The following FGD5 variants were observed in gnomAD, a reference collection of about 807,000 sequenced individuals.
FGD5 encodes FYVE, RhoGEF and PH domain containing 5.
In FGD5, 28 loss-of-function variants were observed where a neutral mutation model predicts 133.4. The ratio of observed to expected loss-of-function variants is 0.21; its 90% CI spans 0.16 to 0.29. FGD5 has a LOEUF of 0.29. Ranked by LOEUF, FGD5 falls within the 10% of genes least tolerant of loss-of-function variation. The probability of loss-of-function intolerance (pLI) is 1.00; values close to 1 mark genes in which losing one functional copy is unlikely to be tolerated. For missense variants in FGD5, 1,858 were observed against 1,895.2 expected (o/e 0.98, Z 0.36); for synonymous variants, 810 against 776.5 (o/e 1.04, Z -0.72).
At chr3:14,907,801 C>A in intron 10 of FGD5, 90 bp downstream of exon 10, 1 of 1,356,762 alleles carries the variant, frequency 7.4e-7, no homozygotes, top group South Asian at 1.3e-5. Flanking sequence ...CCAGACAGGC[C>A]TGGCTGCAGG....
chr3:14,887,395 C>G (rs1344750607), intron 4 of FGD5, among the ~76,000 whole-genome samples: 1 of 151,966 alleles, frequency 6.6e-6, no homozygotes, highest in African/African-American at 2.4e-5. Flanking sequence ...AAAAAACTTC[C>G]TGCCAGGCAT....
At chr3:14,831,628 G>T (rs1257026297) in intron 1 of FGD5, among the ~76,000 whole-genome samples, 2 of 152,186 alleles carry the variant, frequency 1.3e-5, no homozygotes, top group Non-Finnish European at 2.9e-5. Flanking sequence ...GAGGGTAGGA[G>T]GGAATAAGGT....
intron 1 of FGD5, among the ~76,000 whole-genome samples, chr3:14,812,667 A>G (rs1035779538): frequency 1.3e-5 from 2 of 152,196 alleles, no homozygotes; most frequent in South Asian, 2.1e-4. Context: ...ATCACATGGC[A>G]TGGTGGTTCA....
At chr3:14,846,197 A>C (rs957352065) in intron 1 of FGD5, among the ~76,000 whole-genome samples, 1 of 152,264 alleles carries the variant, frequency 6.6e-6, no homozygotes, top group East Asian at 1.9e-4. Context: ...AAAATGCTTG[A>C]AATGTGGGAG....
chr3:14,893,752 C>CTTTTTTTTTTTTTTTTTTTT (rs138741627), intron 4 of FGD5, among the ~76,000 whole-genome samples: 1 of 95,056 alleles, frequency 1.1e-5, no homozygotes, highest in African/African-American at 4.4e-5. Context: ...TTTCTTTTTT[C>CTTTTTTTTTTTTTTTTTTTT]TTTTTTTTTT....
At chr3:14,859,027 A>T (rs905916520) in intron 1 of FGD5, among the ~76,000 whole-genome samples, 1 of 152,024 alleles carries the variant, frequency 6.6e-6, no homozygotes, top group Admixed American at 6.5e-5. Context: ...TTTTTCATTG[A>T]CTCTGCAAAG....
intron 11 of FGD5, among the ~76,000 whole-genome samples, chr3:14,913,598 C>A (rs554671755): frequency 6.6e-6 from 1 of 152,208 alleles, no homozygotes; most frequent in African/African-American, 2.4e-5. Context: ...AGCAGTGAGG[C>A]GGCAGATGGC....
chr3:14,890,939 A>G (rs192323034), intron 4 of FGD5, among the ~76,000 whole-genome samples: 4 of 152,258 alleles, frequency 2.6e-5, no homozygotes, highest in Admixed American at 2.6e-4. Flanking sequence ...CCCATTTTAC[A>G]GGTGAGGAAA....
chr3:14,862,147 A>G (rs959887622), intron 1 of FGD5, among the ~76,000 whole-genome samples: 5 of 152,292 alleles, frequency 3.3e-5, no homozygotes, highest in Middle Eastern at 3.4e-3. Context: ...TCTGCCTGGC[A>G]TGCACCTTCC....
intron 1 of FGD5, among the ~76,000 whole-genome samples, chr3:14,822,767 T>A (rs1207378371): frequency 6.6e-6 from 1 of 152,224 alleles, no homozygotes; most frequent in Non-Finnish European, 1.5e-5. Context: ...AGAAACCCTC[T>A]GATTCTTTTC....
At chr3:14,873,501 T>A (rs769055483) in intron 2 of FGD5, among the ~76,000 whole-genome samples, 12 of 152,178 alleles carry the variant, frequency 7.9e-5, no homozygotes, top group Non-Finnish European at 1.6e-4. Context: ...ATTAGCCGGC[T>A]GTTTGAAGTC....
chr3:14,923,299 C>A, intron 16 of FGD5, 124 bp downstream of exon 16: 2 of 1,342,950 alleles, frequency 1.5e-6, no homozygotes, highest in Non-Finnish European at 2.0e-6. Flanking sequence ...TTATTCACTC[C>A]ATGGAGGGAG....
intron 1 of FGD5, among the ~76,000 whole-genome samples, chr3:14,862,328 A>C (rs2037415117): frequency 6.6e-6 from 1 of 152,204 alleles, no homozygotes; most frequent in Admixed American, 6.5e-5. Flanking sequence ...TTGCAAATTG[A>C]TGCAGGCAGC....
intron 1 of FGD5, among the ~76,000 whole-genome samples, chr3:14,858,135 G>A (rs1343373485): frequency 6.6e-6 from 1 of 152,192 alleles, no homozygotes; most frequent in Non-Finnish European, 1.5e-5. Context: ...TCTGGGCTCA[G>A]AAGTAATTTG....
chr3:14,873,734 C>CT (rs11404810), intron 2 of FGD5, among the ~76,000 whole-genome samples: 13,861 of 141,988 alleles, frequency 0.098, 745 homozygotes, highest in East Asian at 0.16. Context: ...TTTTTTTTTT[C>CT]TTTTTTTTTT....
At chr3:14,811,927 G>C (rs911490502) in intron 1 of FGD5, among the ~76,000 whole-genome samples, 1 of 151,956 alleles carries the variant, frequency 6.6e-6, no homozygotes, top group African/African-American at 2.4e-5. Context: ...CTTGTCCAAA[G>C]CCATACTCCA....
chr3:14,831,381 A>G (rs1333644205), intron 1 of FGD5, among the ~76,000 whole-genome samples: 1 of 152,232 alleles, frequency 6.6e-6, no homozygotes, highest in African/African-American at 2.4e-5. Context: ...AACTGTAGCT[A>G]AGAGTATTTG....
At chr3:14,877,184 C>T (rs9814184) in intron 2 of FGD5, among the ~76,000 whole-genome samples, 10,331 of 152,332 alleles carry the variant, frequency 0.068, 402 homozygotes, top group Non-Finnish European at 0.077. Context: ...AAACAAACAT[C>T]TATATTAAAT....
In FGD5 at chr3:14,828,820, CT is replaced by C. The variant is rs59960841; in HGVS notation, c.2525+7243del. Among the ~76,000 whole-genome samples the C allele has an allele frequency of 4.4e-3, 544 of 124,086 alleles. 2 individuals carry two copies. The highest frequency in any genetic ancestry group is 0.01 in the East Asian group (46 of 4,442). The allele number at this position is 124,086 out of a possible 152,430, so 81.4% of individuals were successfully genotyped here. ...TCTGTAGGACATTTGAGGTGGGTCT[CT>C]TTTTTTTTTTTTTTTTTTGAGATGG... On this transcript the variant is annotated intron_variant, in intron 1 of 19. Coordinates refer to ENST00000285046, the MANE Select transcript of FGD5 (RefSeq NM_152536.4).
Sources: allele counts gnomAD v4.1 joint callset (sites outside exome capture counted in the v4.1 genomes callset), GRCh38; gene constraint gnomAD v4.1.1; transcripts MANE v1.5; gene names NCBI Gene and HGNC (gene_info 2026-07-23, HGNC 2026-07-21).